The following PDZD2 variants were observed in gnomAD, a reference collection of about 807,000 sequenced individuals.
The protein encoded by PDZD2 is PDZ domain-containing protein 2.
In PDZD2, 90 loss-of-function variants were observed where a neutral mutation model predicts 220.7. The ratio of observed to expected loss-of-function variants is 0.41; its 90% CI spans 0.34 to 0.49. PDZD2 has a LOEUF of 0.49. PDZD2 is among the 20% of genes least tolerant of loss of function. The probability of loss-of-function intolerance (pLI) is 0.28; values close to 1 mark genes in which losing one functional copy is unlikely to be tolerated. For synonymous variants in PDZD2, 1,375 were observed against 1,450.5 expected (o/e 0.95, Z 1.18); for missense variants, 3,174 against 3,608.5 (o/e 0.88, Z 3.08).
intron 2 of PDZD2, among the ~76,000 whole-genome samples, chr5:31,900,580 G>A (rs1742002598): frequency 6.6e-6 from 1 of 152,158 alleles, no homozygotes. Flanking sequence ...GGGTCCTGTT[G>A]TTGAGCATCT....
At chr5:31,727,319 G>C (rs1445614391) in intron 1 of PDZD2, among the ~76,000 whole-genome samples, 1 of 152,186 alleles carries the variant, frequency 6.6e-6, no homozygotes, top group East Asian at 1.9e-4. Flanking sequence ...TTGGGCCACT[G>C]TGAGAGTGGG....
Position 31,970,080 on chromosome 5 carries a change from T to C in PDZD2, c.477-13075T>C, listed in dbSNP as rs915514847. On this transcript the variant is annotated intron_variant, in intron 2 of 24. Coordinates refer to ENST00000438447, the MANE Select transcript of PDZD2 (RefSeq NM_178140.4). The stretch of plus-strand genomic sequence containing the variant: ...CCCCTGGCTAATTTTGTATTTTTAG[T>C]GGAGACAGGGTTTCTCCATGTTGAG... Among the ~76,000 whole-genome samples the C allele has an allele frequency of 5.3e-5, 8 of 152,138 alleles. No individual in the cohort carries two copies. The Middle Eastern group carries it at 0.01, about 194-fold the overall frequency.
intron 1 of PDZD2, among the ~76,000 whole-genome samples, chr5:31,737,167 C>CTTTTTTTT (rs57379430): frequency 4.5e-5 from 3 of 66,300 alleles, no homozygotes; most frequent in Non-Finnish European, 7.8e-5. Flanking sequence ...CAGTCTACTT[C>CTTTTTTTT]TTTTTTTTTT....
At chr5:32,003,895 A>ACTTT (rs1752598457) in intron 5 of PDZD2, among the ~76,000 whole-genome samples, 1 of 152,076 alleles carries the variant, frequency 6.6e-6, no homozygotes, top group South Asian at 2.1e-4. Context: ...TACTTTTAGT[A>ACTTT]GAGACGGGGT....
At chr5:31,849,254 T>C (rs928926167) in intron 2 of PDZD2, among the ~76,000 whole-genome samples, 3 of 152,186 alleles carry the variant, frequency 2.0e-5, no homozygotes, top group Non-Finnish European at 4.4e-5. Flanking sequence ...GCACACCCTT[T>C]TGAGTCAGAC....
chr5:32,014,958 T>TTTTTGTG (rs1753669836), intron 6 of PDZD2, among the ~76,000 whole-genome samples: 1 of 145,336 alleles, frequency 6.9e-6, no homozygotes, highest in Admixed American at 6.9e-5. Flanking sequence ...TTTTTTTTTT[T>TTTTTGTG]TGAGACGGAG....
chr5:31,812,039 A>AAAT (rs1561478794), intron 2 of PDZD2, among the ~76,000 whole-genome samples: 2,007 of 113,994 alleles, frequency 0.018, 16 homozygotes, highest in Non-Finnish European at 0.021. Context: ...AATAAATAAA[A>AAAT]ATTCAAGCTC....
chr5:32,094,630 CAGG>C (rs1743466970), intron 21 of PDZD2, among the ~76,000 whole-genome samples: 1 of 150,190 alleles, frequency 6.7e-6, no homozygotes, highest in Non-Finnish European at 1.5e-5. Flanking sequence ...CATGCCTTGA[CAGG>C]AGGATCATCT....
chr5:31,734,935 A>G (rs1217592885), intron 1 of PDZD2, among the ~76,000 whole-genome samples: 1 of 152,182 alleles, frequency 6.6e-6, no homozygotes, highest in Non-Finnish European at 1.5e-5. Flanking sequence ...CAATATCACA[A>G]TTCCTCGAGG....
intron 1 of PDZD2, among the ~76,000 whole-genome samples, chr5:31,765,329 C>T (rs1012210665): frequency 3.5e-4 from 54 of 152,152 alleles, no homozygotes; most frequent in African/African-American, 1.2e-4. Flanking sequence ...CCCAGAACAT[C>T]GGTGACCACA....
chr5:31,994,568 C>A (rs1751484560), intron 3 of PDZD2, among the ~76,000 whole-genome samples: 1 of 152,050 alleles, frequency 6.6e-6, no homozygotes, highest in Non-Finnish European at 1.5e-5. Context: ...CCACTACAAC[C>A]TCCACCTCCT....
intron 2 of PDZD2, among the ~76,000 whole-genome samples, chr5:31,806,430 A>G (rs931429006): frequency 1.3e-5 from 2 of 152,210 alleles, no homozygotes; most frequent in East Asian, 1.9e-4. Flanking sequence ...CCTGATTCCT[A>G]CCTTTTCACT....
At chr5:32,080,256 G>A (rs916205739) in intron 19 of PDZD2, among the ~76,000 whole-genome samples, 3 of 148,226 alleles carry the variant, frequency 2.0e-5, no homozygotes, top group East Asian at 2.1e-4. Flanking sequence ...GCTGAGGCAG[G>A]AGAATGGTGT....
intron 6 of PDZD2, among the ~76,000 whole-genome samples, chr5:32,022,188 T>G (rs910260553): frequency 4.1e-5 from 6 of 144,786 alleles, no homozygotes; most frequent in African/African-American, 1.3e-4. Context: ...TTTTTTTGTT[T>G]TTTTGTTTTT....
At chr5:31,728,754 G>A (rs146069877) in intron 1 of PDZD2, among the ~76,000 whole-genome samples, 50 of 152,270 alleles carry the variant, frequency 3.3e-4, no homozygotes, top group African/African-American at 1.1e-3. Context: ...CAAAGTTGGC[G>A]TCCTATTCAT....
chr5:31,983,564 A>G lies in PDZD2; in HGVS notation c.886A>G (p.Lys296Glu), dbSNP rs1750475678. Residue 296 changes from lysine to glutamate, a missense_variant, in exon 3 of 25, where the codon AAG (lysine) becomes GAG (glutamate). Lys to Glu is a moderately conservative substitution (Grantham distance 56). Transcript: ENST00000438447. ...VDRGTEHRIPKTDAPLTTSND... is the reference protein window; with the variant it reads ...VDRGTEHRIPETDAPLTTSND... ...CAGAGGGACAGAGCATAGAATTCCA[A>G]AGACAGATGCTCCTCTGACCACAAG... The G allele has an allele frequency of 6.2e-7, 1 of 1,614,144 alleles. No individual in the cohort carries two copies. The highest frequency in any genetic ancestry group is 8.5e-7 in the Non-Finnish European group (1 of 1,179,998).
intron 1 of PDZD2, among the ~76,000 whole-genome samples, chr5:31,744,944 G>C (rs899064176): frequency 1.3e-5 from 2 of 152,010 alleles, no homozygotes; most frequent in Admixed American, 1.3e-4. Context: ...GTGGTGGTGG[G>C]CACCTGTAAT....
At chr5:31,757,591 CAA>C (rs1356882448) in intron 1 of PDZD2, among the ~76,000 whole-genome samples, 10 of 128,358 alleles carry the variant, frequency 7.8e-5, no homozygotes, top group Admixed American at 1.6e-4. Flanking sequence ...GACTCTGCCT[CAA>C]AAAAAAAAAA....
intron 1 of PDZD2, among the ~76,000 whole-genome samples, chr5:31,748,900 G>A (rs773845329): frequency 6.6e-6 from 1 of 152,186 alleles, no homozygotes; most frequent in Non-Finnish European, 1.5e-5. Context: ...AGTGTGTGAT[G>A]TGGGTGGATT....
Sources: gnomAD v4.1 joint callset for allele counts (sites outside exome capture counted in the v4.1 genomes callset) on GRCh38, gnomAD v4.1.1 for gene constraint, MANE v1.5 for transcripts, NCBI Gene and HGNC (gene_info 2026-07-23, HGNC 2026-07-21) for gene names.